Variants in EXOC6B observed in about 807,000 individuals in gnomAD.
EXOC6B encodes exocyst complex component 6B.
Under a neutral mutation model 113.5 loss-of-function variants are expected in EXOC6B, and 54 were observed. The ratio of observed to expected loss-of-function variants is 0.48; its 90% CI spans 0.38 to 0.60. The LOEUF (loss-of-function observed/expected upper bound fraction) is 0.60, where lower values mean the gene tolerates loss of function less well. Among genes scored for constraint, EXOC6B ranks in the 20% least tolerant of loss-of-function variants. The pLI is 0.00. For synonymous variants in EXOC6B, 357 were observed against 339.0 expected (o/e 1.05, Z -0.58); for missense variants, 797 against 977.5 (o/e 0.82, Z 2.46).
At chr2:72,665,367 A>G (rs901426884) in intron 6 of EXOC6B, among the ~76,000 whole-genome samples, 1 of 152,206 alleles carries the variant, frequency 6.6e-6, no homozygotes, top group Non-Finnish European at 1.5e-5. Flanking sequence ...GAGTAATGCT[A>G]TACAAGATGA....
chr2:72,566,617 C>T (rs149899384), intron 7 of EXOC6B, among the ~76,000 whole-genome samples: 136 of 152,172 alleles, frequency 8.9e-4, no homozygotes, highest in African/African-American at 3.1e-3. Flanking sequence ...TTTTCCAAAG[C>T]GACTCTATCA....
Position 72,257,849 on chromosome 2 carries a change from C to A in EXOC6B, c.2197-73662G>T, listed in dbSNP as rs563282539. On this transcript the variant is annotated intron_variant, in intron 20 of 21. Coordinates refer to ENST00000272427, the MANE Select transcript of EXOC6B (RefSeq NM_015189.3). The stretch of plus-strand genomic sequence containing the variant: ...GTTGATGGGAGGGGGTCACATGGTC[C>A]CAGACAGTTTTCTAGTTCCTACAAC... 3.3e-5 allele frequency among the ~76,000 whole-genome samples: 5 copies of A among 152,172 alleles called. No individual in the cohort carries two copies. The South Asian group carries it at 1.0e-3, about 32-fold the overall frequency.
In EXOC6B at chr2:72,527,331, C is replaced by T. The variant is rs141632114; in HGVS notation, c.916-12205G>A. 4.9e-3 allele frequency among the ~76,000 whole-genome samples: 748 copies of T among 152,006 alleles called. 10 individuals carry two copies. The highest frequency in any genetic ancestry group is 0.017 in the African/African-American group (695 of 41,536). On this transcript the variant is annotated intron_variant, in intron 8 of 21. Coordinates refer to ENST00000272427, the MANE Select transcript of EXOC6B (RefSeq NM_015189.3). ...CCTCTTTTGATTAGCTTATTTCACT[C>T]AGCATAAATCTCTAGAGATTCATCC...
At chr2:72,524,527 A>T (rs1701664271) in intron 8 of EXOC6B, among the ~76,000 whole-genome samples, 1 of 152,204 alleles carries the variant, frequency 6.6e-6, no homozygotes, top group Non-Finnish European at 1.5e-5. Flanking sequence ...AAGTTTACCT[A>T]TATAATAAAC....
chr2:72,685,135 C>T (rs999615633), intron 6 of EXOC6B, among the ~76,000 whole-genome samples: 2 of 151,708 alleles, frequency 1.3e-5, no homozygotes, highest in Admixed American at 1.3e-4. Context: ...TATAATAAAG[C>T]AAGTTGTAAG....
intron 17 of EXOC6B, among the ~76,000 whole-genome samples, chr2:72,468,587 C>T (rs982877193): frequency 1.3e-5 from 2 of 152,078 alleles, no homozygotes; most frequent in Admixed American, 1.3e-4. Context: ...ATGCTTCCAG[C>T]TTTGTTCTTT....
chr2:72,500,037 T>A, intron 11 of EXOC6B, 65 bp from the exon 12 acceptor site: 2 of 1,101,450 alleles, frequency 1.8e-6, no homozygotes, highest in Non-Finnish European at 2.7e-6. Flanking sequence ...TAAATTTTTA[T>A]TTATTTAATT....
intron 18 of EXOC6B, chr2:72,462,712 T>C (rs1573179254): frequency 6.6e-6 from 1 of 152,106 alleles, no homozygotes; most frequent in East Asian, 1.9e-4. Flanking sequence ...ATTTCTGTTG[T>C]TTATAAATTT....
chr2:72,817,149 C>T (rs1050558975), intron 1 of EXOC6B, among the ~76,000 whole-genome samples: 1 of 152,124 alleles, frequency 6.6e-6, no homozygotes, highest in African/African-American at 2.4e-5. Context: ...AAATGTTAAG[C>T]TTTATTTATA....
chr2:72,283,123 A>T (rs1355171441), intron 20 of EXOC6B, among the ~76,000 whole-genome samples: 1 of 152,180 alleles, frequency 6.6e-6, no homozygotes, highest in Non-Finnish European at 1.5e-5. Context: ...AAGGACACAT[A>T]AGACATTTAC....
intron 6 of EXOC6B, among the ~76,000 whole-genome samples, chr2:72,673,622 T>C (rs1430463276): frequency 6.6e-6 from 1 of 152,116 alleles, no homozygotes; most frequent in Non-Finnish European, 1.5e-5. Context: ...TTTAGCACAC[T>C]AGACCCATGT....
chr2:72,221,417 C>T (rs1680858059), intron 20 of EXOC6B, among the ~76,000 whole-genome samples: 1 of 152,172 alleles, frequency 6.6e-6, no homozygotes, highest in South Asian at 2.1e-4. Flanking sequence ...CCTCAAGGCA[C>T]TGTCATCTCT....
intron 18 of EXOC6B, chr2:72,461,913 G>T (rs1697709382): frequency 6.6e-6 from 1 of 151,842 alleles, no homozygotes; most frequent in South Asian, 2.1e-4. Flanking sequence ...AGCTTAATTT[G>T]TATGTCTTAT....
Position 72,178,985 on chromosome 2 carries a change from C to T in EXOC6B, c.*350G>A, listed in dbSNP as rs572851697. 24 of 207,354 alleles carry T rather than the reference C, an allele frequency of 1.2e-4. No homozygotes were observed. The highest frequency in any genetic ancestry group is 1.6e-4 in the Admixed American group (3 of 19,182). The allele number at this position is 207,354 out of a possible 1,614,324, so 12.8% of individuals were successfully genotyped here. A position where few individuals can be genotyped will look rare whatever the true frequency, so the allele number is the denominator to read the frequency against. ...TTTGCTTACTCACTCTACCTCCCAG[C>T]GCCAGATACCCACTTTTTATGGTTC... On this transcript the variant is annotated 3_prime_UTR_variant, in exon 22 of 22. Coordinates refer to ENST00000272427, the MANE Select transcript of EXOC6B (RefSeq NM_015189.3).
At chr2:72,439,575 T>C (rs970971367) in intron 18 of EXOC6B, among the ~76,000 whole-genome samples, 6 of 152,364 alleles carry the variant, frequency 3.9e-5, no homozygotes, top group Admixed American at 1.3e-4. Flanking sequence ...GTCAGGTTGG[T>C]TGCATTCTTC....
At chr2:72,657,564 T>TTC (rs1186462416) in intron 6 of EXOC6B, among the ~76,000 whole-genome samples, 3 of 128,084 alleles carry the variant, frequency 2.3e-5, no homozygotes, top group African/African-American at 8.9e-5. Context: ...CCTCTTTCCT[T>TTC]TTCTTTTTTT....
chr2:72,376,865 C>T (rs1691394681), intron 19 of EXOC6B, among the ~76,000 whole-genome samples: 1 of 151,830 alleles, frequency 6.6e-6, no homozygotes, highest in African/African-American at 2.4e-5. Flanking sequence ...TTTTCTTCCT[C>T]ATCCTTCAAA....
In EXOC6B at chr2:72,207,658, C is replaced by T. The variant is rs183168221; in HGVS notation, c.2197-23471G>A. On this transcript the variant is annotated intron_variant, in intron 20 of 21. Coordinates refer to ENST00000272427, the MANE Select transcript of EXOC6B (RefSeq NM_015189.3). ...TAAACTGCTTTCCAGAATAGTGTAA[C>T]GATTTACATTCCCATTAGCAGGTAT... Among the ~76,000 whole-genome samples, 12 of 152,198 alleles carry T rather than the reference C, an allele frequency of 7.9e-5. No individual in the cohort carries two copies. In the Middle Eastern group the frequency reaches 0.01, roughly 129 times the overall value.
At chr2:72,619,030 T>C (rs1671574578) in intron 6 of EXOC6B, among the ~76,000 whole-genome samples, 1 of 152,206 alleles carries the variant, frequency 6.6e-6, no homozygotes, top group African/African-American at 2.4e-5. Flanking sequence ...AGAGAAGCTT[T>C]GTTGCTCTTA....
Sources: allele counts gnomAD v4.1 joint callset (sites outside exome capture counted in the v4.1 genomes callset), GRCh38; gene constraint gnomAD v4.1.1; transcripts MANE v1.5; gene names NCBI Gene and HGNC (gene_info 2026-07-23, HGNC 2026-07-21).